ADAMTS6: variants seen among roughly 807,000 people sequenced by gnomAD.
ADAMTS6 encodes the protein A disintegrin and metalloproteinase with thrombospondin motifs 6.
In ADAMTS6, 23 loss-of-function variants were observed where a neutral mutation model predicts 144.3. The ratio of observed to expected loss-of-function variants is 0.16; its 90% CI spans 0.11 to 0.23. The LOEUF (loss-of-function observed/expected upper bound fraction) is 0.23. ADAMTS6 is among the 10% of genes least tolerant of loss of function. The pLI is 1.00. For synonymous variants in ADAMTS6, 444 were observed against 457.5 expected, an observed-to-expected ratio of 0.97 and a Z score of 0.38; for missense variants, 999 against 1,379.6, an observed-to-expected ratio of 0.72 and a Z score of 4.37.
chr5:65,263,944 GA>G (rs770908248), intron 12 of ADAMTS6, among the ~76,000 whole-genome samples: 14 of 152,142 alleles, frequency 9.2e-5, no homozygotes, highest in Non-Finnish European at 1.8e-4. Flanking sequence ...ATATTAAAAT[GA>G]AAAGGGATCA....
At chr5:65,373,981 C>T (rs1012309612) in intron 7 of ADAMTS6, among the ~76,000 whole-genome samples, 3 of 152,132 alleles carry the variant, frequency 2.0e-5, no homozygotes, top group Admixed American at 6.5e-5. Context: ...TGTAATCCAG[C>T]ATATAAACAG....
chr5:65,409,769 T>C (rs1378340214), intron 7 of ADAMTS6, among the ~76,000 whole-genome samples: 1 of 152,154 alleles, frequency 6.6e-6, no homozygotes, highest in Admixed American at 6.6e-5. Context: ...GCAAACTGAA[T>C]CCAGCAGCAC....
At chr5:65,320,537 A>G (rs72760537) in intron 9 of ADAMTS6, among the ~76,000 whole-genome samples, 1 of 151,832 alleles carries the variant, frequency 6.6e-6, no homozygotes, top group Non-Finnish European at 1.5e-5. Context: ...AAATAGAAAA[A>G]CCATTTTATT....
At chr5:65,380,074 G>A (rs1751905640) in intron 7 of ADAMTS6, among the ~76,000 whole-genome samples, 1 of 151,796 alleles carries the variant, frequency 6.6e-6, no homozygotes, top group African/African-American at 2.4e-5. Context: ...ATAGGCCATG[G>A]TGGAATAAGT....
intron 7 of ADAMTS6, among the ~76,000 whole-genome samples, chr5:65,373,124 T>G (rs2150123312): frequency 6.6e-6 from 1 of 151,550 alleles, no homozygotes; most frequent in East Asian, 2.0e-4. Context: ...AGAGGGAAAT[T>G]TATAGCACTA....
chr5:65,296,611 T>C (rs1350996266), intron 10 of ADAMTS6, among the ~76,000 whole-genome samples: 3 of 152,224 alleles, frequency 2.0e-5, no homozygotes, highest in African/African-American at 7.2e-5. Context: ...AGTCTGATGT[T>C]GACCTTTGAA....
chr5:65,374,178 A>C (rs1751273502), intron 7 of ADAMTS6, among the ~76,000 whole-genome samples: 2 of 152,208 alleles, frequency 1.3e-5, no homozygotes, highest in Non-Finnish European at 1.5e-5. Context: ...AACTGGAAGC[A>C]TTCCCTTAGA....
intron 7 of ADAMTS6, among the ~76,000 whole-genome samples, chr5:65,405,073 A>C (rs998189429): frequency 2.0e-5 from 3 of 152,074 alleles, no homozygotes; most frequent in African/African-American, 7.2e-5. Flanking sequence ...AGATTGCAAA[A>C]ATTTTCTCCC....
At position 65,331,404 on chromosome 5, in the gene ADAMTS6, C is replaced by T. The variant is rs1175711183; in HGVS notation, c.1118-1921G>A. Among the ~76,000 whole-genome samples the T allele has an allele frequency of 3.3e-5, 5 of 152,050 alleles. No homozygotes were observed. The East Asian group carries it at 7.7e-4, about 23-fold the overall frequency. ...ATTTACAAGCACAGATTTACTTCTGCCATCTTATATAAAATTATTATCTCT... is the reference window on the plus strand; with the variant it reads ...ATTTACAAGCACAGATTTACTTCTGTCATCTTATATAAAATTATTATCTCT... On this transcript the variant is annotated intron_variant, in intron 8 of 24. Transcript: ENST00000381055.
At chr5:65,410,165 T>TG (rs1416187750) in intron 7 of ADAMTS6, among the ~76,000 whole-genome samples, 1 of 152,170 alleles carries the variant, frequency 6.6e-6, no homozygotes, top group Non-Finnish European at 1.5e-5. Context: ...GGACTTCCAA[T>TG]GACAAACTTA....
intron 15 of ADAMTS6, among the ~76,000 whole-genome samples, chr5:65,239,540 A>T (rs1342744378): frequency 1.3e-5 from 2 of 152,140 alleles, no homozygotes; most frequent in Non-Finnish European, 2.9e-5. Context: ...CAGAAAGAAA[A>T]ATTATTTAAA....
At position 65,170,719 on chromosome 5, in the gene ADAMTS6, A is replaced by C. The variant is rs1381602299; in HGVS notation, c.3142T>G (p.Tyr1048Asp). Residue 1048 changes from tyrosine to aspartate, a missense_variant, in exon 24 of 25, where the codon TAC becomes GAC. Around this residue, in one of 3 missense-constraint regions of ADAMTS6, gnomAD observed 619 missense variants for 837.0 expected, o/e 0.74. Transcript: ENST00000381055. ...CAGTCACTAGATGCCTGTCCGGTGTAGGAGAGACACTGCACAGTTCTCATC... is the reference window on the plus strand; with the variant it reads ...CAGTCACTAGATGCCTGTCCGGTGTCGGAGAGACACTGCACAGTTCTCATC... ...QQMRTVQCLS[Y>D]TGQASSDCLE... 7 of 1,614,096 alleles carry C rather than the reference A, an allele frequency of 4.3e-6. No individual in the cohort carries two copies. The Admixed American group carries it at 8.3e-5, about 19-fold the overall frequency.
intron 7 of ADAMTS6, among the ~76,000 whole-genome samples, chr5:65,376,390 G>T (rs1751550452): frequency 6.6e-6 from 1 of 152,126 alleles, no homozygotes; most frequent in Non-Finnish European, 1.5e-5. Flanking sequence ...GGTGGAGGTT[G>T]CAGTGAGCCA....
chr5:65,196,031 C>T (rs960345292), intron 21 of ADAMTS6, among the ~76,000 whole-genome samples: 5 of 152,252 alleles, frequency 3.3e-5, no homozygotes, highest in African/African-American at 1.2e-4. Context: ...CATTTAAAAC[C>T]ATCATTAAAA....
chr5:65,280,047 A>G (rs1480859271), intron 11 of ADAMTS6, among the ~76,000 whole-genome samples: 1 of 152,232 alleles, frequency 6.6e-6, no homozygotes, highest in African/African-American at 2.4e-5. Context: ...TTATTTGGTC[A>G]GCACCATGTA....
chr5:65,466,979 T>A (rs986704375), intron 3 of ADAMTS6, among the ~76,000 whole-genome samples: 9 of 151,322 alleles, frequency 5.9e-5, no homozygotes, highest in African/African-American at 2.2e-4. Context: ...GAGGCGGAGC[T>A]TGCAGTGAGC....
At chr5:65,403,179 T>C (rs1754088381) in intron 7 of ADAMTS6, among the ~76,000 whole-genome samples, 1 of 152,158 alleles carries the variant, frequency 6.6e-6, no homozygotes, top group South Asian at 2.1e-4. Context: ...CAACACTTTC[T>C]CGTGATTCTC....
At chr5:65,202,344 C>T (rs1243444326) in intron 20 of ADAMTS6, among the ~76,000 whole-genome samples, 1 of 152,190 alleles carries the variant, frequency 6.6e-6, no homozygotes, top group Non-Finnish European at 1.5e-5. Context: ...TAGGGTGGAA[C>T]ATACGTATAC....
At chr5:65,216,778 G>T in intron 18 of ADAMTS6, among the ~76,000 whole-genome samples, 1 of 77,400 alleles carries the variant, frequency 1.3e-5, no homozygotes, top group Non-Finnish European at 2.6e-5. Flanking sequence ...TCTCTTACAA[G>T]AAATACACAC....
Sources: allele counts gnomAD v4.1 joint callset (sites outside exome capture counted in the v4.1 genomes callset), GRCh38; gene constraint gnomAD v4.1.1; regional missense constraint gnomAD v4.1.1; transcripts MANE v1.5; gene names NCBI Gene and HGNC (gene_info 2026-07-23, HGNC 2026-07-21).